ALK: variants seen among roughly 807,000 people sequenced by gnomAD.
The protein encoded by ALK is ALK receptor tyrosine kinase.
A neutral mutation model predicts 163.1 loss-of-function variants in ALK; 74 were observed. The ratio of observed to expected loss-of-function variants is 0.45; its 90% CI spans 0.38 to 0.55. ALK has a LOEUF of 0.55. Among genes scored for constraint, ALK ranks in the 20% least tolerant of loss-of-function variants. The probability of loss-of-function intolerance (pLI) is 0.00; values close to 1 mark genes in which losing one functional copy is unlikely to be tolerated. For synonymous variants in ALK, 960 were observed against 843.2 expected (o/e 1.14, Z -2.40); for missense variants, 2,063 against 2,105.3 (o/e 0.98, Z 0.39).
intron 3 of ALK, among the ~76,000 whole-genome samples, chr2:29,653,876 A>G (rs1423089315): frequency 1.3e-5 from 2 of 152,180 alleles, no homozygotes; most frequent in African/African-American, 4.8e-5. Context: ...AGCCTGTCCA[A>G]CATGGCAAAA....
intron 4 of ALK, among the ~76,000 whole-genome samples, chr2:29,437,076 T>A (rs1201455863): frequency 6.6e-6 from 1 of 152,188 alleles, no homozygotes; most frequent in South Asian, 2.1e-4. Flanking sequence ...GATGCTGCCT[T>A]CTAATGGTGG....
In ALK at chr2:29,920,748, T is replaced by C. The variant is rs1667978969; in HGVS notation, c.-89A>G. On this transcript the variant is annotated 5_prime_UTR_variant, in exon 1 of 29. Coordinates refer to ENST00000389048, the MANE Select transcript of ALK (RefSeq NM_004304.5). ...ATGGGAAGAGGCTCTGAACAGTCCT[T>C]GGTACCCAGCGGCTCCTTCCACCTG... The C allele has an allele frequency of 1.6e-6, 2 of 1,229,074 alleles. No homozygotes were observed. Among genetic ancestry groups the C allele is most frequent in the South Asian group, 2.7e-5 (2 of 74,932 alleles). 76.1% of individuals were successfully genotyped at this position (1,229,074 alleles called of 1,614,324 possible).
intron 1 of ALK, among the ~76,000 whole-genome samples, chr2:29,812,425 C>G (rs756847622): frequency 6.6e-6 from 1 of 152,120 alleles, no homozygotes; most frequent in Non-Finnish European, 1.5e-5. Context: ...ACAATTAGGT[C>G]TCGGGGCACT....
chr2:29,288,834 C>T (rs1050589377), intron 9 of ALK, among the ~76,000 whole-genome samples: 8 of 151,566 alleles, frequency 5.3e-5, no homozygotes, highest in Admixed American at 2.0e-4. Flanking sequence ...TGCCTGTAAG[C>T]CCAGCTACTT....
At chr2:29,623,844 T>G (rs1335003157) in intron 3 of ALK, among the ~76,000 whole-genome samples, 1 of 152,210 alleles carries the variant, frequency 6.6e-6, no homozygotes, top group Non-Finnish European at 1.5e-5. Context: ...GAAATAAAAA[T>G]TTTAGAAATT....
At chr2:29,221,099 G>C (rs1366565104) in intron 22 of ALK, 1 of 609,054 alleles carries the variant, frequency 1.6e-6, no homozygotes, top group African/African-American at 1.8e-5. Flanking sequence ...CAGGCACTTG[G>C]GTGAGGAAGT....
chr2:29,541,524 C>CG (rs2148166545), intron 3 of ALK, among the ~76,000 whole-genome samples: 1 of 152,300 alleles, frequency 6.6e-6, no homozygotes, highest in East Asian at 1.9e-4. Context: ...CTCCTGACCT[C>CG]AAGTGATCCA....
intron 4 of ALK, among the ~76,000 whole-genome samples, chr2:29,462,853 T>C (rs1243365074): frequency 6.6e-6 from 1 of 152,134 alleles, no homozygotes; most frequent in East Asian, 1.9e-4. Context: ...ATTTTCCCCA[T>C]AGGAATTATG....
intron 1 of ALK, among the ~76,000 whole-genome samples, chr2:29,737,593 A>G (rs1344069064): frequency 6.6e-6 from 1 of 152,194 alleles, no homozygotes; most frequent in East Asian, 1.9e-4. Context: ...CAGTGGGCAA[A>G]GCACAGTGAT....
At chr2:29,377,075 G>C (rs1558700898) in intron 5 of ALK, among the ~76,000 whole-genome samples, 1 of 152,180 alleles carries the variant, frequency 6.6e-6, no homozygotes, top group South Asian at 2.1e-4. Flanking sequence ...TAATAGCCTT[G>C]TGCTAAGCCC....
At chr2:29,778,559 G>A (rs534403415) in intron 1 of ALK, among the ~76,000 whole-genome samples, 2 of 152,190 alleles carry the variant, frequency 1.3e-5, no homozygotes, top group East Asian at 1.9e-4. Context: ...ACACGTGCAT[G>A]CATGTGTGCA....
At chr2:29,865,180 T>C (rs1263303625) in intron 1 of ALK, among the ~76,000 whole-genome samples, 1 of 152,230 alleles carries the variant, frequency 6.6e-6, no homozygotes, top group Non-Finnish European at 1.5e-5. Flanking sequence ...GCTCTGGGCA[T>C]GTGTCCTCCA....
At chr2:29,326,588 C>T (rs1446881868) in intron 6 of ALK, among the ~76,000 whole-genome samples, 4 of 152,128 alleles carry the variant, frequency 2.6e-5, no homozygotes, top group African/African-American at 7.2e-5. Flanking sequence ...GAGAACTATA[C>T]GAGAAAGGCC....
intron 26 of ALK, among the ~76,000 whole-genome samples, chr2:29,200,670 G>C (rs922024863): frequency 8.0e-6 from 1 of 125,178 alleles, no homozygotes; most frequent in Admixed American, 8.0e-5. Context: ...AAACAGGAGC[G>C]ACAAAAGCCC....
intron 1 of ALK, among the ~76,000 whole-genome samples, chr2:29,762,574 G>A (rs186333300): frequency 6.6e-6 from 1 of 152,310 alleles, no homozygotes; most frequent in East Asian, 1.9e-4. Context: ...GATAATAAGG[G>A]GTTGGTAGGA....
intron 1 of ALK, among the ~76,000 whole-genome samples, chr2:29,919,284 T>C (rs746263764): frequency 1.6e-4 from 25 of 152,104 alleles, no homozygotes; most frequent in Non-Finnish European, 1.9e-4. Context: ...CCTGGCTTCA[T>C]AGTGACTCCC....
At chr2:29,318,725 C>A (rs868233318) in intron 7 of ALK, among the ~76,000 whole-genome samples, 4 of 152,060 alleles carry the variant, frequency 2.6e-5, no homozygotes, top group Non-Finnish European at 4.4e-5. Flanking sequence ...TGCCACCACG[C>A]CCGGCTAATT....
intron 2 of ALK, among the ~76,000 whole-genome samples, chr2:29,714,798 G>T (rs1020711599): frequency 1.3e-5 from 2 of 152,124 alleles, no homozygotes; most frequent in African/African-American, 4.8e-5. Flanking sequence ...TGTCTTTCAC[G>T]GCAGTTGAAA....
At chr2:29,888,786 T>A (rs1387521666) in intron 1 of ALK, among the ~76,000 whole-genome samples, 1 of 152,054 alleles carries the variant, frequency 6.6e-6, no homozygotes, top group Admixed American at 6.6e-5. Context: ...AAAACCACTT[T>A]AAAAAAAAGT....
Sources: gnomAD v4.1 joint callset for allele counts (sites outside exome capture counted in the v4.1 genomes callset) on GRCh38, gnomAD v4.1.1 for gene constraint, MANE v1.5 for transcripts, NCBI Gene and HGNC (gene_info 2026-07-23, HGNC 2026-07-21) for gene names.